CCDC3: variants seen among roughly 807,000 people sequenced by gnomAD.
The protein encoded by CCDC3 is coiled-coil domain containing 3, also known as coiled-coil domain-containing protein 3.
CCDC3 carries 24 observed loss-of-function variants against 21.4 expected under a neutral mutation model. That is an observed-to-expected ratio of 1.12 (90% CI 0.81 to 1.58). The LOEUF is 1.58. Among genes scored for constraint, CCDC3 ranks in the 40% most tolerant of loss-of-function variants. The pLI is 0.00. For synonymous variants in CCDC3, 186 were observed against 166.0 expected (o/e 1.12, Z -0.93); for missense variants, 425 against 360.9 (o/e 1.18, Z -1.44).
At position 13,001,695 on chromosome 10, in the gene CCDC3, C is replaced by G. The variant is rs1835859014; in HGVS notation, c.-125G>C. ...CCGGGAGCTGAGCGCACCGCTGTCT[C>G]CGCCACGGGGCTCGGCATGCCCGGC... On this transcript the variant is annotated 5_prime_UTR_variant, in exon 1 of 3. Transcript: ENST00000378825. The G allele has an allele frequency of 1.7e-6, 1 of 594,788 alleles. No homozygotes were observed. Among genetic ancestry groups the G allele is most frequent in the South Asian group, 7.6e-5 (1 of 13,174 alleles). 36.8% of individuals were successfully genotyped at this position (594,788 alleles called of 1,614,324 possible).
At chr10:13,044,485 T>TA (rs1836499254) in intron 5 of CCDC3, among the ~76,000 whole-genome samples, 1 of 152,234 alleles carries the variant, frequency 6.6e-6, no homozygotes, top group African/African-American at 2.4e-5. Flanking sequence ...TTTAAGGTCT[T>TA]ACGTTTAAAT....
chr10:12,998,547 G>A (rs1835798967), intron 1 of CCDC3, 35 bp from the exon 2 acceptor site: 1 of 1,600,752 alleles, frequency 6.2e-7, no homozygotes, highest in Non-Finnish European at 8.5e-7. Flanking sequence ...ATGTAGGCTA[G>A]ACAGTCAAGG....
chr10:13,000,619 A>C (rs1016771873), intron 1 of CCDC3, among the ~76,000 whole-genome samples: 1 of 152,074 alleles, frequency 6.6e-6, no homozygotes, highest in Non-Finnish European at 1.5e-5. Context: ...CACACCATTC[A>C]CATCTTGGCA....
chr10:12,959,171 A>C (rs1204335490), intron 2 of CCDC3, among the ~76,000 whole-genome samples: 3 of 65,688 alleles, frequency 4.6e-5, no homozygotes, highest in Non-Finnish European at 1.1e-4. Context: ...CACAAGCTAC[A>C]ATCTTTTTTT....
intron 5 of CCDC3, among the ~76,000 whole-genome samples, chr10:13,032,960 A>C: frequency 6.6e-6 from 1 of 152,194 alleles, no homozygotes; most frequent in East Asian, 1.9e-4. Flanking sequence ...CAAGCTACCA[A>C]TGACTTTCTT....
intron 2 of CCDC3, among the ~76,000 whole-genome samples, chr10:12,942,443 C>CA: frequency 6.6e-6 from 1 of 152,144 alleles, no homozygotes; most frequent in East Asian, 1.9e-4. Flanking sequence ...GAACAGTCTG[C>CA]AAAATGAAGC....
intron 4 of CCDC3, chr10:13,058,547 A>G: frequency 2.8e-6 from 2 of 714,898 alleles, no homozygotes; most frequent in East Asian, 4.9e-5. Flanking sequence ...GGTGTGCTGT[A>G]TTTATTTTTA....
intron 4 of CCDC3, among the ~76,000 whole-genome samples, chr10:13,069,584 T>C (rs1378639744): frequency 2.6e-5 from 4 of 152,142 alleles, no homozygotes; most frequent in African/African-American, 7.3e-5. Flanking sequence ...TTGTCTTTCC[T>C]GATGCCTGGC....
chr10:12,970,600 C>T (rs1038405111), intron 2 of CCDC3, among the ~76,000 whole-genome samples: 1 of 152,136 alleles, frequency 6.6e-6, no homozygotes, highest in Non-Finnish European at 1.5e-5. Context: ...CAGTCTGGGC[C>T]GGGTACGGTG....
intron 3 of CCDC3, among the ~76,000 whole-genome samples, chr10:13,096,191 C>CTCTCTT (rs111844334): frequency 5.4e-5 from 8 of 147,160 alleles, no homozygotes; most frequent in Non-Finnish European, 8.9e-5. Flanking sequence ...CTCTCTCTCT[C>CTCTCTT]TCTTTCTTTT....
At chr10:13,072,656 A>G (rs1286732160) in intron 4 of CCDC3, among the ~76,000 whole-genome samples, 5 of 147,824 alleles carry the variant, frequency 3.4e-5, no homozygotes, top group African/African-American at 9.7e-5. Flanking sequence ...ATAGGACTCC[A>G]TCTCACTTTG....
chr10:13,095,875 A>G (rs963488226), intron 3 of CCDC3, among the ~76,000 whole-genome samples: 1 of 152,122 alleles, frequency 6.6e-6, no homozygotes, highest in Non-Finnish European at 1.5e-5. Flanking sequence ...AATTTAGTAT[A>G]TTTCCATCAT....
chr10:12,981,211 TCA>T (rs375774474), intron 2 of CCDC3, among the ~76,000 whole-genome samples: 46 of 145,140 alleles, frequency 3.2e-4, no homozygotes, highest in African/African-American at 1.2e-3. Context: ...AGATGGATTC[TCA>T]CAGTTGGCCA....
chr10:13,095,796 C>A (rs1314073684), intron 3 of CCDC3, among the ~76,000 whole-genome samples: 1 of 152,180 alleles, frequency 6.6e-6, no homozygotes. Context: ...AAATTCACCC[C>A]ATTTGTAAAT....
intron 2 of CCDC3, among the ~76,000 whole-genome samples, chr10:12,907,657 AAAG>A (rs34219702): frequency 0.21 from 31,765 of 151,926 alleles, 3,963 homozygotes; most frequent in Non-Finnish European, 0.29. Context: ...GAAAAAGAAA[AAAG>A]AAGATTAGTT....
intron 2 of CCDC3, among the ~76,000 whole-genome samples, chr10:12,917,180 CTTTTTTTTTTTTTTTTTTTT>C (rs56054100): frequency 1.4e-4 from 8 of 58,224 alleles, no homozygotes; most frequent in Admixed American, 1.1e-3. Flanking sequence ...ATTTCTTCTT[CTTTTTTTTTTTTTTTTTTTT>C]TTTTTTTTTT....
rs1353223048 is a variant in CCDC3, at chr10:13,019,494, G to C, written c.-1-20982C>G. Among the ~76,000 whole-genome samples, 4 of 142,004 alleles carry C rather than the reference G, an allele frequency of 2.8e-5. No individual in the cohort carries two copies. In the East Asian group the frequency reaches 1.0e-3, roughly 37 times the overall value. 93.2% of individuals were successfully genotyped at this position (142,004 alleles called of 152,430 possible). On this transcript the variant is annotated intron_variant, in intron 5 of 6. Coordinates refer to the CCDC3 transcript ENST00000378839. ...ACAGCATTTACTGATCTTTCCGTCT[G>C]TGTTCTCGTTGTAGAGGTATCACGT...
rs71386143 is a variant in CCDC3, at chr10:13,054,154, C to CAAAAA, written c.-269-4218_-269-4214dup. 4.0e-5 allele frequency among the ~76,000 whole-genome samples: 4 copies of CAAAAA among 99,900 alleles called. 1 individual carries two copies. Among genetic ancestry groups the CAAAAA allele is most frequent in the East Asian group, 3.3e-4 (1 of 2,988 alleles). The allele number at this position is 99,900 out of a possible 152,430, so 65.5% of individuals were successfully genotyped here. A position where few individuals can be genotyped will look rare whatever the true frequency, so the allele number is the denominator to read the frequency against. ...AGAGAGAGAGAGAGAGACTCTGTAT[C>CAAAAA]AAAAAAAAAAAAAAAAAAAGAGGAA... On this transcript the variant is annotated intron_variant, in intron 4 of 6. Coordinates refer to the CCDC3 transcript ENST00000378839.
intron 2 of CCDC3, among the ~76,000 whole-genome samples, chr10:12,993,861 T>G (rs1835715710): frequency 6.6e-6 from 1 of 152,054 alleles, no homozygotes; most frequent in Non-Finnish European, 1.5e-5. Flanking sequence ...GGAACCAGAG[T>G]GTGGGAGGAC....
Sources: gnomAD v4.1 joint callset for allele counts (sites outside exome capture counted in the v4.1 genomes callset) on GRCh38, gnomAD v4.1.1 for gene constraint, MANE v1.5 for transcripts, NCBI Gene and HGNC (gene_info 2026-07-23, HGNC 2026-07-21) for gene names.